Variants in LRP1B observed in about 807,000 individuals in gnomAD.
The protein encoded by LRP1B is LDL receptor related protein 1B.
In LRP1B, 217 loss-of-function variants were observed where a neutral mutation model predicts 556.6. The observed-to-expected ratio is 0.39, with a 90% CI of 0.35 to 0.44. The LOEUF (loss-of-function observed/expected upper bound fraction) is 0.44. Among genes scored for constraint, LRP1B ranks in the 20% least tolerant of loss-of-function variants. LRP1B has a pLI of 1.00. For missense variants in LRP1B, 5,053 were observed against 5,620.8 expected, an observed-to-expected ratio of 0.90 and a Z score of 3.23; for synonymous variants, 2,047 against 1,865.8, an observed-to-expected ratio of 1.10 and a Z score of -2.50.
At chr2:140,684,645 T>C (rs754829331) in intron 41 of LRP1B, among the ~76,000 whole-genome samples, 19 of 152,266 alleles carry the variant, frequency 1.2e-4, no homozygotes, top group Non-Finnish European at 2.4e-4. Flanking sequence ...TTTCTATTAT[T>C]CTGAAGGCTG....
chr2:141,968,258 C>T (rs188142731), intron 1 of LRP1B, among the ~76,000 whole-genome samples: 1 of 151,938 alleles, frequency 6.6e-6, no homozygotes, highest in East Asian at 1.9e-4. Flanking sequence ...ACACAAATGT[C>T]TTTCTCTTGG....
At chr2:141,765,002 T>C (rs1222020040) in intron 2 of LRP1B, among the ~76,000 whole-genome samples, 1 of 152,148 alleles carries the variant, frequency 6.6e-6, no homozygotes, top group African/African-American at 2.4e-5. Context: ...CAAATCCTAT[T>C]GACGATGATA....
chr2:140,996,249 C>T (rs1697242176), intron 15 of LRP1B, among the ~76,000 whole-genome samples: 1 of 151,982 alleles, frequency 6.6e-6, no homozygotes, highest in African/African-American at 2.4e-5. Context: ...CCTGCCCAAG[C>T]CTTCCAGATG....
Position 140,232,828 on chromosome 2 carries a change from G to A in LRP1B, c.*358C>T, listed in dbSNP as rs139282977. On this transcript the variant is annotated 3_prime_UTR_variant, in exon 91 of 91. Coordinates refer to ENST00000389484, the MANE Select transcript of LRP1B (RefSeq NM_018557.3). ...TCAAACCGTATAATGGAAAAGTGCA[G>A]AGATTCTCCTCGTTGATTAAGTACA... 12 of 157,730 alleles carry A rather than the reference G, an allele frequency of 7.6e-5. No homozygotes were observed. The East Asian group carries it at 2.0e-3, about 27-fold the overall frequency. The allele number at this position is 157,730 out of a possible 1,614,324, so 9.8% of individuals were successfully genotyped here. A position where few individuals can be genotyped will look rare whatever the true frequency, so the allele number is the denominator to read the frequency against.
At chr2:141,831,758 T>C (rs1697119228) in intron 1 of LRP1B, among the ~76,000 whole-genome samples, 1 of 151,684 alleles carries the variant, frequency 6.6e-6, no homozygotes, top group South Asian at 2.1e-4. Context: ...TAGTATTATA[T>C]ACAAATTATT....
chr2:141,320,586 C>T (rs1687203918), intron 3 of LRP1B, among the ~76,000 whole-genome samples: 1 of 152,034 alleles, frequency 6.6e-6, no homozygotes, highest in African/African-American at 2.4e-5. Flanking sequence ...GACAGTACAT[C>T]TCACCTACAA....
intron 35 of LRP1B, among the ~76,000 whole-genome samples, chr2:140,737,194 G>A (rs373556668): frequency 6.6e-6 from 1 of 152,138 alleles, no homozygotes; most frequent in Non-Finnish European, 1.5e-5. Context: ...CAAGGCCCTA[G>A]GGAGAAGGAC....
intron 2 of LRP1B, among the ~76,000 whole-genome samples, chr2:141,686,535 G>T (rs769109080): frequency 6.6e-6 from 1 of 151,804 alleles, no homozygotes; most frequent in Non-Finnish European, 1.5e-5. Context: ...TATGGTAGTT[G>T]TCATCAATGG....
At chr2:141,805,057 A>C (rs559098169) in intron 2 of LRP1B, among the ~76,000 whole-genome samples, 1 of 152,126 alleles carries the variant, frequency 6.6e-6, no homozygotes, top group Admixed American at 6.6e-5. Context: ...TTTGGAAAGC[A>C]AAAGGTCTTG....
At chr2:140,566,323 C>T (rs1310281994) in intron 43 of LRP1B, among the ~76,000 whole-genome samples, 1 of 152,126 alleles carries the variant, frequency 6.6e-6, no homozygotes, top group Non-Finnish European at 1.5e-5. Context: ...GAAAACAGTG[C>T]CTTGGCAGAA....
chr2:141,685,625 T>A (rs1691266384), intron 2 of LRP1B, among the ~76,000 whole-genome samples: 2 of 152,158 alleles, frequency 1.3e-5, no homozygotes, highest in South Asian at 4.1e-4. Context: ...CCCAGTGTAA[T>A]CATAAACATT....
At chr2:141,392,440 T>A (rs1690085435) in intron 3 of LRP1B, among the ~76,000 whole-genome samples, 1 of 121,890 alleles carries the variant, frequency 8.2e-6, no homozygotes, top group African/African-American at 3.1e-5. Flanking sequence ...TATGTTTCCA[T>A]CATCAGCATT....
intron 3 of LRP1B, among the ~76,000 whole-genome samples, chr2:141,348,882 C>T (rs556579180): frequency 6.6e-6 from 1 of 152,106 alleles, no homozygotes; most frequent in South Asian, 2.1e-4. Flanking sequence ...AAATAAGTCT[C>T]ACGAGAACTG....
chr2:141,987,930 T>A (rs776895983), intron 1 of LRP1B, among the ~76,000 whole-genome samples: 24 of 151,886 alleles, frequency 1.6e-4, no homozygotes, highest in Non-Finnish European at 3.4e-4. Flanking sequence ...AAATAGTCAG[T>A]TTATATAAGT....
intron 41 of LRP1B, among the ~76,000 whole-genome samples, chr2:140,675,689 A>G (rs1332032141): frequency 6.6e-6 from 1 of 152,158 alleles, no homozygotes; most frequent in Non-Finnish European, 1.5e-5. Flanking sequence ...AGGAGAAAGA[A>G]TTGCTTTAGC....
rs368206056 is a variant in LRP1B at position 140,322,119 on chromosome 2, G to T, written c.12515-31C>A. ...GAAACAAAAGAAAACAAAGAAGTGT[G>T]TAAATATAGATACAATAGGCTTCAA... On this transcript the variant is annotated intron_variant, in intron 81 of 90. Transcript: ENST00000389484. 51 of 1,598,006 alleles carry T rather than the reference G, an allele frequency of 3.2e-5. No homozygotes were observed. The African/African-American group carries it at 6.8e-4, about 21-fold the overall frequency.
At chr2:140,262,504 T>G (rs2104929104) in intron 86 of LRP1B, among the ~76,000 whole-genome samples, 1 of 152,312 alleles carries the variant, frequency 6.6e-6, no homozygotes, top group South Asian at 2.1e-4. Flanking sequence ...CAGGGAAGTC[T>G]GAATCCAGAA....
At chr2:141,177,276 G>C (rs1046691290) in intron 7 of LRP1B, among the ~76,000 whole-genome samples, 1 of 151,878 alleles carries the variant, frequency 6.6e-6, no homozygotes, top group Non-Finnish European at 1.5e-5. Context: ...TCTAATTTTA[G>C]GTAGAAAAAA....
intron 2 of LRP1B, among the ~76,000 whole-genome samples, chr2:141,527,338 T>C (rs142700248): frequency 1.2e-4 from 18 of 152,030 alleles, no homozygotes; most frequent in African/African-American, 3.4e-4. Flanking sequence ...GTTTCTTCCA[T>C]GTAAAGACAT....
Sources: gnomAD v4.1 joint callset for allele counts (sites outside exome capture counted in the v4.1 genomes callset) on GRCh38, gnomAD v4.1.1 for gene constraint, MANE v1.5 for transcripts, NCBI Gene and HGNC (gene_info 2026-07-23, HGNC 2026-07-21) for gene names.